The following CDH18 variants were observed in gnomAD, a reference collection of about 807,000 sequenced individuals.
The protein encoded by CDH18 is cadherin 18, also known as cadherin-18.
In CDH18, 31 loss-of-function variants were observed where a neutral mutation model predicts 67.9. The observed-to-expected ratio is 0.46, with a 90% CI of 0.34 to 0.62. The LOEUF is 0.62. CDH18 is among the 20% of genes least tolerant of loss of function. The pLI, the probability that CDH18 is intolerant of heterozygous loss-of-function variation, is 0.01. For missense variants in CDH18, 890 were observed against 975.5 expected (o/e 0.91, Z 1.17); for synonymous variants, 362 against 347.2 (o/e 1.04, Z -0.48).
intron 1 of CDH18, among the ~76,000 whole-genome samples, chr5:20,471,628 A>G (rs1210966821): frequency 2.0e-5 from 3 of 151,510 alleles, no homozygotes; most frequent in Non-Finnish European, 4.4e-5. Context: ...GGTGAAACGC[A>G]GTCTCTACTA....
At chr5:20,346,103 C>T (rs1313583531) in intron 1 of CDH18, among the ~76,000 whole-genome samples, 2 of 152,044 alleles carry the variant, frequency 1.3e-5, no homozygotes, top group East Asian at 3.9e-4. Flanking sequence ...GAAATCCAAC[C>T]GTTTAGAATG....
chr5:20,254,885 C>T (rs574121819), intron 2 of CDH18, among the ~76,000 whole-genome samples: 6 of 135,640 alleles, frequency 4.4e-5, no homozygotes, highest in South Asian at 4.9e-4. Flanking sequence ...AATGAAAGAT[C>T]GGATAAAAAA....
chr5:19,489,847 T>C (rs1741104036), intron 11 of CDH18, among the ~76,000 whole-genome samples: 1 of 152,114 alleles, frequency 6.6e-6, no homozygotes, highest in African/African-American at 2.4e-5. Context: ...CACAAATTTG[T>C]TGAAGTGTTA....
rs1373158490 is a variant in CDH18 at position 20,172,243 on chromosome 5, T to C, written c.-518+83201A>G. Among the ~76,000 whole-genome samples, 3 of 135,952 alleles carry C rather than the reference T, an allele frequency of 2.2e-5. 1 individual carries two copies. Among genetic ancestry groups the C allele is most frequent in the Non-Finnish European group, 4.7e-5 (3 of 63,948 alleles). The allele number at this position is 135,952 out of a possible 152,430, so 89.2% of individuals were successfully genotyped here. A position where few individuals can be genotyped will look rare whatever the true frequency, so the allele number is the denominator to read the frequency against. ...ATATATGTATATATATATATATGTATATATATATATATATCTCCTCTCTGA... is the reference window on the plus strand; with the variant it reads ...ATATATGTATATATATATATATGTACATATATATATATATCTCCTCTCTGA... On this transcript the variant is annotated intron_variant, in intron 2 of 14. Transcript: ENST00000507958.
At chr5:19,915,683 A>G (rs1369678306) in intron 2 of CDH18, among the ~76,000 whole-genome samples, 1 of 152,142 alleles carries the variant, frequency 6.6e-6, no homozygotes, top group Non-Finnish European at 1.5e-5. Flanking sequence ...ACATACATAT[A>G]TATCATTGTT....
At chr5:19,827,123 A>C (rs1780493471) in intron 3 of CDH18, among the ~76,000 whole-genome samples, 1 of 152,166 alleles carries the variant, frequency 6.6e-6, no homozygotes, top group African/African-American at 2.4e-5. Context: ...ATGAACAAAA[A>C]AGGCAAAAAG....
chr5:20,257,512 C>T lies in CDH18; in HGVS notation c.-579-2007G>A, dbSNP rs191451824. Among the ~76,000 whole-genome samples, 13 of 152,132 alleles carry T rather than the reference C, an allele frequency of 8.5e-5. No individual in the cohort carries two copies. In the East Asian group the frequency reaches 2.3e-3, roughly 27 times the overall value. ...TTGCTATCACAGGATAAGCAGCACC[C>T]TGTGCAGTTCATAGAGCCCAATGCA... On this transcript the variant is annotated intron_variant, in intron 1 of 14. Coordinates refer to the CDH18 transcript ENST00000507958.
chr5:20,282,169 T>C (rs376497686), intron 1 of CDH18, among the ~76,000 whole-genome samples: 2,222 of 152,244 alleles, frequency 0.015, 32 homozygotes, highest in South Asian at 0.029. Context: ...ACAGAGACAA[T>C]TTGACTTCCT....
At chr5:20,279,699 C>CAAAAAAAAAAAAAAAAAAAAAAAA (rs1189257278) in intron 1 of CDH18, among the ~76,000 whole-genome samples, 6 of 13,600 alleles carry the variant, frequency 4.4e-4, no homozygotes, top group Admixed American at 1.3e-3. Context: ...AGCTCTGTCT[C>CAAAAAAAAAAAAAAAAAAAAAAAA]AAAAAAAAAA....
intron 2 of CDH18, among the ~76,000 whole-genome samples, chr5:19,931,453 G>T (rs1407487291): frequency 1.3e-5 from 2 of 151,778 alleles, no homozygotes; most frequent in African/African-American, 4.8e-5. Flanking sequence ...CTGTAATGTG[G>T]TTAAAATTGA....
intron 2 of CDH18, among the ~76,000 whole-genome samples, chr5:19,904,811 C>T (rs1339096930): frequency 6.6e-6 from 1 of 152,120 alleles, no homozygotes; most frequent in Non-Finnish European, 1.5e-5. Flanking sequence ...TTTATAAAAA[C>T]ATATCTTCAT....
At chr5:20,339,403 T>C (rs1740061358) in intron 1 of CDH18, among the ~76,000 whole-genome samples, 3 of 152,190 alleles carry the variant, frequency 2.0e-5, no homozygotes, top group South Asian at 2.1e-4. Context: ...CTCCTTTGCT[T>C]TGTGGGATAA....
In CDH18 at chr5:20,398,886, C is replaced by T. The variant is rs1183013740; in HGVS notation, c.-579-143381G>A. Among the ~76,000 whole-genome samples the T allele has an allele frequency of 2.7e-5, 4 of 150,408 alleles. No homozygotes were observed. In the South Asian group the frequency reaches 6.4e-4, roughly 24 times the overall value. ...GCACACGTATACCTACGTAGAAAACCACCACGGCACACGTATACCTACGTA... is the reference window on the plus strand; with the variant it reads ...GCACACGTATACCTACGTAGAAAACTACCACGGCACACGTATACCTACGTA... On this transcript the variant is annotated intron_variant, in intron 1 of 14. Transcript: ENST00000507958.
chr5:20,573,035 T>C (rs981792114), intron 1 of CDH18, among the ~76,000 whole-genome samples: 17 of 152,132 alleles, frequency 1.1e-4, no homozygotes, highest in Admixed American at 1.0e-3. Context: ...AGTTGGAAAG[T>C]GTGAAGTGTT....
chr5:20,528,201 A>C (rs1756183979), intron 1 of CDH18, among the ~76,000 whole-genome samples: 1 of 152,104 alleles, frequency 6.6e-6, no homozygotes, highest in Non-Finnish European at 1.5e-5. Context: ...TCAATTCAAC[A>C]TGAAGAGCTA....
At chr5:19,776,432 AT>A (rs948167169) in intron 3 of CDH18, among the ~76,000 whole-genome samples, 4 of 152,196 alleles carry the variant, frequency 2.6e-5, no homozygotes, top group Non-Finnish European at 5.9e-5. Flanking sequence ...TATGCAAATT[AT>A]GTATTTACAG....
chr5:20,361,342 C>A (rs978720194), intron 1 of CDH18, among the ~76,000 whole-genome samples: 1 of 151,780 alleles, frequency 6.6e-6, no homozygotes, highest in African/African-American at 2.4e-5. Context: ...GTGATTTAAG[C>A]GAGAGAAGTC....
intron 4 of CDH18, among the ~76,000 whole-genome samples, chr5:19,745,463 A>ACCAGGAGCACTCTCACAGGTGGGAG (rs1306625536): frequency 6.6e-6 from 1 of 152,112 alleles, no homozygotes; most frequent in African/African-American, 2.4e-5. Flanking sequence ...GAAATAGCTC[A>ACCAGGAGCACTCTCACAGGTGGGAG]CCAGGAGCAC....
intron 1 of CDH18, among the ~76,000 whole-genome samples, chr5:20,272,862 C>T (rs1745539356): frequency 6.6e-6 from 1 of 151,984 alleles, no homozygotes; most frequent in African/African-American, 2.4e-5. Context: ...CTATTATTCT[C>T]CATCAAAGGG....
Sources: gnomAD v4.1 joint callset for allele counts (sites outside exome capture counted in the v4.1 genomes callset) on GRCh38, gnomAD v4.1.1 for gene constraint, MANE v1.5 for transcripts, NCBI Gene and HGNC (gene_info 2026-07-23, HGNC 2026-07-21) for gene names.